The following TOP6BL variants were observed in gnomAD, a reference collection of about 807,000 sequenced individuals.
The protein encoded by TOP6BL is TOP6B like initiator of meiotic double strand breaks.
chr11:66,823,854 G>A, the TOP6BL span, among the ~76,000 whole-genome samples: 1 of 152,134 alleles, frequency 6.6e-6, no homozygotes, highest in Non-Finnish European at 1.5e-5. Context: ...GCTAGGACTA[G>A]ATCAGTGATT....
chr11:66,831,949 A>G, the TOP6BL span, among the ~76,000 whole-genome samples: 1 of 137,656 alleles, frequency 7.3e-6, no homozygotes, highest in Non-Finnish European at 1.5e-5. Flanking sequence ...GCGAGCTGAG[A>G]TCATGCCACT....
At chr11:66,823,059 C>T in the TOP6BL span, among the ~76,000 whole-genome samples, 7 of 151,582 alleles carry the variant, frequency 4.6e-5, no homozygotes, top group African/African-American at 1.7e-4. Context: ...CTTTGGGAGG[C>T]CAAGGCGGGT....
the TOP6BL span, chr11:66,843,112 T>A: frequency 3.1e-6 from 5 of 1,599,096 alleles, no homozygotes; most frequent in Non-Finnish European, 4.3e-6. Context: ...CAGCAGGAGG[T>A]GCAGGCCACG....
chr11:66,796,163 G>A, the TOP6BL span: 1 of 700,266 alleles, frequency 1.4e-6, no homozygotes, highest in Non-Finnish European at 2.4e-6. Context: ...GTCTCCCTTT[G>A]GTTGTCCAAA....
the TOP6BL span, among the ~76,000 whole-genome samples, chr11:66,757,580 C>G: frequency 1.1e-4 from 17 of 152,102 alleles, no homozygotes; most frequent in Admixed American, 2.0e-4. Context: ...GCTAATGTGA[C>G]TGAGGAACTA....
At chr11:66,826,518 G>A in the TOP6BL span, among the ~76,000 whole-genome samples, 1 of 152,210 alleles carries the variant, frequency 6.6e-6, no homozygotes, top group South Asian at 2.1e-4. Context: ...ACATTTATAA[G>A]CTAGTGCATT....
chr11:66,760,620 C>A, the TOP6BL span, among the ~76,000 whole-genome samples: 1 of 71,610 alleles, frequency 1.4e-5, no homozygotes, highest in Non-Finnish European at 2.5e-5. Context: ...GAGACCCCAT[C>A]TTTACAAAAA....
At chr11:66,752,942 G>A in the TOP6BL span, among the ~76,000 whole-genome samples, 1 of 151,860 alleles carries the variant, frequency 6.6e-6, no homozygotes, top group Non-Finnish European at 1.5e-5. Context: ...CAGCCTGGGC[G>A]ACACGGTGAA....
the TOP6BL span, among the ~76,000 whole-genome samples, chr11:66,768,958 G>T: frequency 1.3e-5 from 2 of 152,168 alleles, no homozygotes; most frequent in Non-Finnish European, 2.9e-5. Context: ...GAGCTAACCT[G>T]CCTTGTACCT....
the TOP6BL span, among the ~76,000 whole-genome samples, chr11:66,783,149 T>G: frequency 6.6e-6 from 1 of 152,166 alleles, no homozygotes; most frequent in African/African-American, 2.4e-5. Flanking sequence ...CTGGGCAACA[T>G]AGTGAGACCC....
the TOP6BL span, among the ~76,000 whole-genome samples, chr11:66,830,526 AAAT>A: frequency 6.6e-6 from 1 of 152,164 alleles, no homozygotes; most frequent in East Asian, 1.9e-4. Context: ...AGAAGAAATG[AAAT>A]AATAAAGATC....
At chr11:66,835,642 C>T in the TOP6BL span, among the ~76,000 whole-genome samples, 1 of 152,226 alleles carries the variant, frequency 6.6e-6, no homozygotes, top group Non-Finnish European at 1.5e-5. Context: ...CTATTCTGGA[C>T]ACTTCATATA....
the TOP6BL span, among the ~76,000 whole-genome samples, chr11:66,747,588 CTG>C: frequency 6.6e-6 from 1 of 151,986 alleles, no homozygotes; most frequent in Non-Finnish European, 1.5e-5. Flanking sequence ...GATGAGGAGT[CTG>C]TGGTTTGGAG....
the TOP6BL span, among the ~76,000 whole-genome samples, chr11:66,775,112 CAAAAAA>C: frequency 6.9e-5 from 4 of 57,990 alleles, no homozygotes; most frequent in East Asian, 6.1e-4. Flanking sequence ...GACTCTGTCT[CAAAAAA>C]AAAAAAAAAA....
chr11:66,800,175 T>TG, the TOP6BL span, among the ~76,000 whole-genome samples: 1 of 152,132 alleles, frequency 6.6e-6, no homozygotes, highest in Non-Finnish European at 1.5e-5. Flanking sequence ...ATGTGGAATC[T>TG]GAAAAAGTCA....
At chr11:66,828,281 G>C in the TOP6BL span, 2 of 1,613,424 alleles carry the variant, frequency 1.2e-6, no homozygotes, top group Non-Finnish European at 1.7e-6. Flanking sequence ...TGACACACAA[G>C]AGTTCAGGAC....
chr11:66,749,394 C>T, the TOP6BL span, among the ~76,000 whole-genome samples: 60 of 152,110 alleles, frequency 3.9e-4, no homozygotes, highest in African/African-American at 1.4e-3. Context: ...CCAATAAACT[C>T]TGGCCAGGGT....
the TOP6BL span, among the ~76,000 whole-genome samples, chr11:66,811,432 T>TC: frequency 2.6e-5 from 4 of 152,200 alleles, no homozygotes; most frequent in Non-Finnish European, 4.4e-5. Flanking sequence ...CCTCAAGTGA[T>TC]CCGCCTGCCT....
the TOP6BL span, among the ~76,000 whole-genome samples, chr11:66,784,361 G>T: frequency 6.6e-6 from 1 of 151,860 alleles, no homozygotes; most frequent in Non-Finnish European, 1.5e-5. Context: ...TAGAGATGGG[G>T]TTTTGCCAAG....
Sources: allele counts gnomAD v4.1 joint callset (sites outside exome capture counted in the v4.1 genomes callset), GRCh38; gene constraint gnomAD v4.1.1; transcripts MANE v1.5; gene names NCBI Gene and HGNC (gene_info 2026-07-23, HGNC 2026-07-21).